The following CDCP2 variants were observed in gnomAD, a reference collection of about 807,000 sequenced individuals.
The protein encoded by CDCP2 is CUB domain-containing protein 2.
A neutral mutation model predicts 31.0 loss-of-function variants in CDCP2; 31 were observed. That is an observed-to-expected ratio of 1.00 (90% confidence interval 0.75 to 1.35). The LOEUF is 1.35. Among genes scored for constraint, CDCP2 ranks in the 40% most tolerant of loss-of-function variants. The probability of loss-of-function intolerance (pLI) is 0.00; values close to 1 mark genes in which losing one functional copy is unlikely to be tolerated. For synonymous variants in CDCP2, 206 were observed against 207.9 expected, an observed-to-expected ratio of 0.99 and a Z score of 0.08; for missense variants, 443 against 482.6, an observed-to-expected ratio of 0.92 and a Z score of 0.77.
intron 2 of CDCP2, 130 bp downstream of exon 2, chr1:54,144,336 G>A: frequency 1.2e-6 from 1 of 800,086 alleles, no homozygotes; most frequent in Non-Finnish European, 1.9e-6. Context: ...TCCACCCCAG[G>A]GCCAGCTCCT....
At chr1:54,150,198 G>C (rs1473309561) in intron 1 of CDCP2, among the ~76,000 whole-genome samples, 1 of 152,254 alleles carries the variant, frequency 6.6e-6, no homozygotes, top group Non-Finnish European at 1.5e-5. Flanking sequence ...CCAGATAGGG[G>C]TTCTTTCCTT....
chr1:54,135,698 C>T lies in CDCP2; in HGVS notation c.1296+932G>A, dbSNP rs192170217. On this transcript the variant is annotated intron_variant, in intron 5 of 5. Transcript: ENST00000530059. The stretch of plus-strand genomic sequence containing the variant: ...GGAATAGGGGGAGGGCAGAATACCT[C>T]GGCAGCCAGGACTGGCCCCCTACCC... 1.5e-3 allele frequency among the ~76,000 whole-genome samples: 230 copies of T among 152,260 alleles called. 1 individual carries two copies. The highest frequency in any genetic ancestry group is 2.5e-3 in the Non-Finnish European group (170 of 68,020).
Position 54,137,223 on chromosome 1 carries a change from A to G in CDCP2, c.1118-415T>C, listed in dbSNP as rs114315044. On this transcript the variant is annotated intron_variant, in intron 4 of 5. Transcript: ENST00000530059. ...ATGTTCAGGTCCTATTCTCAGCACCACAAATACAAAAATGAGGAAAAAACA... is the reference window on the plus strand; with the variant it reads ...ATGTTCAGGTCCTATTCTCAGCACCGCAAATACAAAAATGAGGAAAAAACA... 9.1e-3 allele frequency among the ~76,000 whole-genome samples: 1,381 copies of G among 152,332 alleles called. 26 individuals are homozygous for G. The highest frequency in any genetic ancestry group is 0.032 in the African/African-American group (1,317 of 41,568).
chr1:54,139,495 T>G (rs1659316033), intron 4 of CDCP2: 14 of 1,580,852 alleles, frequency 8.9e-6, no homozygotes, highest in Non-Finnish European at 1.2e-5. Context: ...AGGAACCAGA[T>G]GGGGAGGGGT....
chr1:54,152,919 G>A, exon 1 of CDCP2: 2 of 1,614,120 alleles, frequency 1.2e-6, no homozygotes, highest in Non-Finnish European at 1.7e-6. Context: ...CACTCTGCCA[G>A]CATCTCCTCA....
At position 54,134,323 on chromosome 1, in the gene CDCP2, A is replaced by T. The variant is rs184097804; in HGVS notation, c.1297-1029T>A. 4.6e-5 allele frequency among the ~76,000 whole-genome samples: 7 copies of T among 152,264 alleles called. No individual in the cohort carries two copies. The East Asian group carries it at 1.2e-3, about 25-fold the overall frequency. On this transcript the variant is annotated intron_variant, in intron 5 of 5. Coordinates refer to ENST00000530059, the Ensembl canonical transcript of CDCP2. ...CTGGCCACCCCAGGGACAGCAGCCT[A>T]GTGTTGGGAAGAGCCATCGAGGAAC... is the stretch of plus-strand genomic sequence containing the variant.
chr1:54,140,960 TAGAGCATTCCAGGC>T (rs1659357671), intron 3 of CDCP2, 124 bp downstream of exon 3: 1 of 681,658 alleles, frequency 1.5e-6, no homozygotes, highest in African/African-American at 1.8e-5. Flanking sequence ...AAGGGTATGC[TAGAGCATTCCAGGC>T]AGAGAGAGTG....
At chr1:54,133,251 TCGATGTACAGCA>T in exon 6 of CDCP2, 1 of 399,134 alleles carries the variant, frequency 2.5e-6, no homozygotes, top group South Asian at 1.3e-4. Flanking sequence ...GGCTGAGAAG[TCGATGTACAGCA>T]CGCTGACAAT....
intron 1 of CDCP2, among the ~76,000 whole-genome samples, chr1:54,147,401 T>C (rs1368432988): frequency 2.0e-5 from 3 of 151,826 alleles, no homozygotes; most frequent in African/African-American, 7.3e-5. Flanking sequence ...GGAAAACTTA[T>C]TGTCGGCCCA....
chr1:54,138,186 A>T (rs1477901464), intron 4 of CDCP2: 1 of 152,306 alleles, frequency 6.6e-6, no homozygotes, highest in Non-Finnish European at 1.5e-5. Context: ...AGGGCCTGGG[A>T]GAGTTCTGGA....
chr1:54,145,330 G>A (rs1659447770), intron 1 of CDCP2, among the ~76,000 whole-genome samples: 1 of 152,196 alleles, frequency 6.6e-6, no homozygotes, highest in Non-Finnish European at 1.5e-5. Flanking sequence ...GGAGGCTGAG[G>A]CAGGAGAATC....
Position 54,152,456 on chromosome 1 carries a change from T to C in CDCP2, c.79+388A>G, listed in dbSNP as rs1570075360. Among the ~76,000 whole-genome samples, 3 of 101,286 alleles carry C rather than the reference T, an allele frequency of 3.0e-5. No homozygotes were observed. In the Admixed American group the frequency reaches 3.0e-4, roughly 10 times the overall value. The allele number at this position is 101,286 out of a possible 152,430, so 66.4% of individuals were successfully genotyped here. A position where few individuals can be genotyped will look rare whatever the true frequency, so the allele number is the denominator to read the frequency against. On this transcript the variant is annotated intron_variant, in intron 1 of 5. Transcript: ENST00000530059. ...TCCAGCCTGGGCGACAGGGCAAGAC[T>C]GTCTCAAAAAAAAAAAAAGACTCTT...
chr1:54,137,356 A>G (rs1054938302), intron 4 of CDCP2, among the ~76,000 whole-genome samples: 3 of 152,182 alleles, frequency 2.0e-5, no homozygotes, highest in Non-Finnish European at 4.4e-5. Context: ...TCTAGCAAAG[A>G]AGAAACAGCG....
At chr1:54,139,652 G>C in intron 4 of CDCP2, 101 bp downstream of exon 4, 1 of 1,613,434 alleles carries the variant, frequency 6.2e-7, no homozygotes, top group Non-Finnish European at 8.5e-7. Flanking sequence ...TCATGGGGGG[G>C]GCAGGACAAA....
chr1:54,139,583 T>G, intron 4 of CDCP2, 170 bp downstream of exon 4: 5 of 1,611,844 alleles, frequency 3.1e-6, no homozygotes, highest in Non-Finnish European at 4.2e-6. Context: ...CGTCCAGTCT[T>G]AGGGGTCCCG....
At position 54,138,401 on chromosome 1, in the gene CDCP2, A is replaced by T. The variant is rs1437195116; in HGVS notation, c.1117+1352T>A. On this transcript the variant is annotated intron_variant, in intron 4 of 5. Coordinates refer to ENST00000530059, the Ensembl canonical transcript of CDCP2. ...TGCATGTGGAGCCCACTAAGGCCCG[A>T]AGGGGCTGGCCTGCCCAAGTTCACG... is the stretch of plus-strand genomic sequence containing the variant. 14 of 152,288 alleles carry T rather than the reference A, an allele frequency of 9.2e-5. 1 individual carries two copies. Among genetic ancestry groups the T allele is most frequent in the Admixed American group, 9.2e-4 (14 of 15,292 alleles). 9.4% of individuals were successfully genotyped at this position (152,288 alleles called of 1,614,324 possible). A position where few individuals can be genotyped will look rare whatever the true frequency, so the allele number is the denominator to read the frequency against.
chr1:54,150,489 G>C (rs1317459921), intron 1 of CDCP2, among the ~76,000 whole-genome samples: 1 of 152,128 alleles, frequency 6.6e-6, no homozygotes, highest in East Asian at 1.9e-4. Flanking sequence ...CAGCTACTCA[G>C]GAGGCTGAGA....
chr1:54,145,605 TTAA>T (rs904664150), intron 1 of CDCP2, among the ~76,000 whole-genome samples: 20 of 152,130 alleles, frequency 1.3e-4, no homozygotes, highest in African/African-American at 4.1e-4. Context: ...TATTTTGAAA[TTAA>T]TAATAATAAT....
chr1:54,139,397 G>T (rs1052093609), intron 4 of CDCP2: 4 of 746,204 alleles, frequency 5.4e-6, no homozygotes, highest in African/African-American at 5.4e-5. Flanking sequence ...CAATTTTTTT[G>T]CCATAAACAA....
Sources: allele counts gnomAD v4.1 joint callset (sites outside exome capture counted in the v4.1 genomes callset), GRCh38; gene constraint gnomAD v4.1.1; transcripts MANE v1.5; gene names NCBI Gene and HGNC (gene_info 2026-07-23, HGNC 2026-07-21).